Variants in ACVR2B observed in about 807,000 individuals in gnomAD.
ACVR2B encodes the protein activin A receptor type 2B.
In ACVR2B, 18 loss-of-function variants were observed where a neutral mutation model predicts 65.1. The observed-to-expected ratio is 0.28, with a 90% confidence interval of 0.19 to 0.41. ACVR2B has a LOEUF of 0.41. ACVR2B is among the 10% of genes least tolerant of loss of function. ACVR2B has a pLI of 1.00. For synonymous variants in ACVR2B, 298 were observed against 277.7 expected (o/e 1.07, Z -0.73); for missense variants, 482 against 682.7 (o/e 0.71, Z 3.28).
intron 7 of ACVR2B, among the ~76,000 whole-genome samples, chr3:38,480,068 G>T: frequency 6.6e-6 from 1 of 152,194 alleles, no homozygotes; most frequent in East Asian, 1.9e-4. Context: ...CATTACTTTG[G>T]TTGGAGAGTT....
intron 1 of ACVR2B, among the ~76,000 whole-genome samples, chr3:38,455,613 T>G (rs1247840443): frequency 6.6e-6 from 1 of 151,738 alleles, no homozygotes; most frequent in Non-Finnish European, 1.5e-5. Context: ...AGCGAGTGAG[T>G]TCTGTAGGGT....
chr3:38,471,671 A>G (rs927455040), intron 1 of ACVR2B, among the ~76,000 whole-genome samples: 1 of 152,230 alleles, frequency 6.6e-6, no homozygotes, highest in Admixed American at 6.5e-5. Context: ...GCAGCAGTAT[A>G]TAAAGAACAT....
intron 1 of ACVR2B, chr3:38,475,906 T>A (rs1022055143): frequency 6.6e-6 from 1 of 152,546 alleles, no homozygotes; most frequent in Admixed American, 6.5e-5. Context: ...GGAATAGTGG[T>A]AGGAGAAGAC....
rs2059817454 is a variant in ACVR2B, at chr3:38,492,549, C to T, written c.*9217C>T. 6.6e-6 allele frequency: 1 copy of T among 151,932 alleles called. No homozygotes were observed. The highest frequency in any genetic ancestry group is 2.4e-5 in the African/African-American group (1 of 41,302). The allele number at this position is 151,932 out of a possible 1,614,324, so 9.4% of individuals were successfully genotyped here. A position where few individuals can be genotyped will look rare whatever the true frequency, so the allele number is the denominator to read the frequency against. On this transcript the variant is annotated 3_prime_UTR_variant, in exon 11 of 11. Coordinates refer to ENST00000352511, the MANE Select transcript of ACVR2B (RefSeq NM_001106.4). ...TGTGAGATGTAAATGTAGTAGGTCA[C>T]TTTTCACCCTTGTAGCTATAAAATA... is the stretch of plus-strand genomic sequence containing the variant.
chr3:38,459,279 C>T (rs2125712508), intron 1 of ACVR2B, among the ~76,000 whole-genome samples: 1 of 152,336 alleles, frequency 6.6e-6, no homozygotes, highest in East Asian at 1.9e-4. Context: ...CAGCTTACCA[C>T]CGAGGAGAAT....
chr3:38,454,472 C>T (rs506993), intron 1 of ACVR2B, 98 bp downstream of exon 1: 2 of 1,060,434 alleles, frequency 1.9e-6, no homozygotes, highest in Non-Finnish European at 2.4e-6. Flanking sequence ...CCCGGGGCCT[C>T]GTCGCCGCAC....
chr3:38,480,570 G>A (rs766091600), intron 7 of ACVR2B, among the ~76,000 whole-genome samples: 10 of 152,210 alleles, frequency 6.6e-5, no homozygotes, highest in Non-Finnish European at 1.2e-4. Context: ...GTCTGGTTCT[G>A]TGACTGTGAG....
intron 1 of ACVR2B, among the ~76,000 whole-genome samples, chr3:38,470,564 C>G (rs1191019741): frequency 1.3e-5 from 2 of 152,078 alleles, no homozygotes; most frequent in Non-Finnish European, 2.9e-5. Context: ...GGACAGTGAT[C>G]TCAGAAAGAA....
At chr3:38,462,064 G>A (rs965706443) in intron 1 of ACVR2B, among the ~76,000 whole-genome samples, 1 of 152,032 alleles carries the variant, frequency 6.6e-6, no homozygotes, top group Non-Finnish European at 1.5e-5. Context: ...CGTGGTGGTG[G>A]GTCCCTGTAG....
In ACVR2B at chr3:38,482,315, T is replaced by A. The variant is rs1251501480; in HGVS notation, c.1192T>A (p.Ser398Thr). 1 of 1,611,946 alleles carries A rather than the reference T, an allele frequency of 6.2e-7. No homozygotes were observed. Among genetic ancestry groups the A allele is most frequent in the Admixed American group, 1.7e-5 (1 of 59,660 alleles). The change falls in exon 9 of 11, where the codon TCT (serine) becomes ACT (threonine). Residue 398 changes from serine (S) to threonine (T), a missense_variant. Coordinates refer to ENST00000352511, the MANE Select transcript of ACVR2B (RefSeq NM_001106.4). ...GGGGTTGGTGCTGTGGGAGCTTGTG[T>A]CTCGCTGCAAGGCTGCAGACGGTAA... ...AMGLVLWELV[S>T]RCKAADGPVD...
rs1710052983 is a variant in ACVR2B, at chr3:38,483,310, C to T, written c.1517C>T (p.Pro506Leu). The change falls in exon 11 of 11, where the codon CCC (proline) becomes CTC (leucine). Residue 506 changes from proline to leucine, a missense_variant. This residue lies in a region of ACVR2B where 38 missense variants were observed against 29.3 expected (regional missense o/e 1.30). Transcript: ENST00000352511. This position sits in a 1 kb window ranked among gnomAD's most constrained non-coding sequence, Gnocchi z 4.8. Reference sequence around the variant, plus strand: ...ACCTCTGTCACCAATGTGGACCTGCCCCCTAAAGAGTCAAGCATCTAAGCC... The same window carrying T: ...ACCTCTGTCACCAATGTGGACCTGCTCCCTAAAGAGTCAAGCATCTAAGCC... ...LVTSVTNVDL[P>L]PKESSI 6.2e-7 allele frequency: 1 copy of T among 1,614,022 alleles called. No individual in the cohort carries two copies. The highest frequency in any genetic ancestry group is 2.2e-5 in the East Asian group (1 of 44,880).
intron 1 of ACVR2B, 82 bp downstream of exon 1, chr3:38,454,456 G>T: frequency 8.7e-7 from 1 of 1,148,624 alleles, no homozygotes; most frequent in East Asian, 3.3e-5. Context: ...ACCAACAAAG[G>T]GCGGGCCCGG....
intron 1 of ACVR2B, chr3:38,474,265 G>C (rs923816726): frequency 2.0e-5 from 3 of 152,378 alleles, no homozygotes; most frequent in Non-Finnish European, 4.4e-5. Context: ...GTAGTGGCAA[G>C]TGGGTGGTCC....
At position 38,485,650 on chromosome 3, in the gene ACVR2B, C is replaced by T. The variant is rs369910327; in HGVS notation, c.*2318C>T. The T allele has an allele frequency of 2.7e-5, 3 of 109,248 alleles. No homozygotes were observed. The highest frequency in any genetic ancestry group is 2.9e-4 in the East Asian group (1 of 3,396). 6.8% of individuals were successfully genotyped at this position (109,248 alleles called of 1,614,324 possible). A position where few individuals can be genotyped will look rare whatever the true frequency, so the allele number is the denominator to read the frequency against. On this transcript the variant is annotated 3_prime_UTR_variant, in exon 11 of 11. Transcript: ENST00000352511. ...CCAAGTGGTTACAGGAACAGGGTTT[C>T]GGTAAGCTATGTTGTCTTTTTTTTT...
rs1710163044 is a variant in ACVR2B, at chr3:38,488,681, A to G, written c.*5349A>G. ...TGAAACATGACTTTTTGATTGTGGT[A>G]CTTCCTGTATCCCCTGTAGTGCCAA... On this transcript the variant is annotated 3_prime_UTR_variant, in exon 11 of 11. Transcript: ENST00000352511. 6.6e-6 allele frequency: 1 copy of G among 152,190 alleles called. No homozygotes were observed. Among genetic ancestry groups the G allele is most frequent in the Non-Finnish European group, 1.5e-5 (1 of 68,028 alleles). The allele number at this position is 152,190 out of a possible 1,614,324, so 9.4% of individuals were successfully genotyped here. A position where few individuals can be genotyped will look rare whatever the true frequency, so the allele number is the denominator to read the frequency against.
At chr3:38,473,018 G>GTGTGTGTGTATGTGCATGTAC (rs1253015279) in intron 1 of ACVR2B, among the ~76,000 whole-genome samples, 1 of 152,114 alleles carries the variant, frequency 6.6e-6, no homozygotes, top group Non-Finnish European at 1.5e-5. Context: ...TGCATGTACT[G>GTGTGTGTGTATGTGCATGTAC]TGTGTGTGTA....
At chr3:38,457,129 G>A (rs1269071486) in intron 1 of ACVR2B, among the ~76,000 whole-genome samples, 1 of 152,136 alleles carries the variant, frequency 6.6e-6, no homozygotes. Context: ...GCATGAACCC[G>A]GGAGGTAGAG....
intron 1 of ACVR2B, among the ~76,000 whole-genome samples, chr3:38,465,397 CA>C (rs71085325): frequency 0.37 from 33,638 of 89,864 alleles, 3,182 homozygotes; most frequent in South Asian, 0.48. Context: ...GATTCCATCT[CA>C]AAAAAAAAAA....
chr3:38,472,937 T>G (rs931084320), intron 1 of ACVR2B, among the ~76,000 whole-genome samples: 1 of 152,202 alleles, frequency 6.6e-6, no homozygotes, highest in Non-Finnish European at 1.5e-5. Context: ...GACCTCCCAG[T>G]GCGTGTCTTC....
Sources: allele counts gnomAD v4.1 joint callset (sites outside exome capture counted in the v4.1 genomes callset), GRCh38; gene constraint gnomAD v4.1.1; regional missense constraint gnomAD v4.1.1; non-coding constraint Gnocchi (gnomAD v3.1); transcripts MANE v1.5; gene names NCBI Gene and HGNC (gene_info 2026-07-23, HGNC 2026-07-21).